Variants in ITGB5 observed in about 807,000 individuals in gnomAD.
ITGB5 encodes integrin subunit beta 5.
Under a neutral mutation model 84.8 loss-of-function variants are expected in ITGB5, and 38 were observed. That is an observed-to-expected ratio of 0.45 (90% CI 0.35 to 0.59). The LOEUF is 0.59. Among genes scored for constraint, ITGB5 ranks in the 20% least tolerant of loss-of-function variants. The probability of loss-of-function intolerance (pLI) is 0.01; values close to 1 mark genes in which losing one functional copy is unlikely to be tolerated. For synonymous variants in ITGB5, 393 were observed against 414.4 expected (o/e 0.95, Z 0.63); for missense variants, 905 against 1,034.5 (o/e 0.87, Z 1.72).
chr3:124,810,908 T>TTTTCTTTCTTTC lies in ITGB5; in HGVS notation c.1129-1764_1129-1753dup, dbSNP rs10644920. 1.8e-3 allele frequency among the ~76,000 whole-genome samples: 263 copies of TTTTCTTTCTTTC among 150,060 alleles called. 2 individuals carry two copies. Among genetic ancestry groups the TTTTCTTTCTTTC allele is most frequent in the African/African-American group, 5.7e-3 (228 of 40,128 alleles). On this transcript the variant is annotated intron_variant, in intron 8 of 14. Coordinates refer to ENST00000296181, the MANE Select transcript of ITGB5 (RefSeq NM_002213.5). ...CAGACTTGCCTCTTGCTCTTGTGGG[T>TTTTCTTTCTTTC]TTTCTTTCTTTCTTTCTTTCTTTCT...
At chr3:124,869,514 A>G (rs1226211520) in intron 2 of ITGB5, among the ~76,000 whole-genome samples, 1 of 152,196 alleles carries the variant, frequency 6.6e-6, no homozygotes, top group Non-Finnish European at 1.5e-5. Flanking sequence ...GGTTGAAGCT[A>G]GAGTGAGCCA....
chr3:124,875,020 T>TA (rs1934240825), intron 1 of ITGB5, among the ~76,000 whole-genome samples: 1 of 152,024 alleles, frequency 6.6e-6, no homozygotes, highest in Non-Finnish European at 1.5e-5. Flanking sequence ...TCTATCAAAC[T>TA]AAAAAGCTTC....
chr3:124,766,268 G>A lies in ITGB5; in HGVS notation c.2095C>T (p.Leu699Phe). 1.9e-6 allele frequency: 3 copies of A among 1,614,088 alleles called. No homozygotes were observed. The highest frequency in any genetic ancestry group is 2.5e-6 in the Non-Finnish European group (3 of 1,179,982). The change falls in exon 13 of 15, where the codon CTC (leucine) becomes TTC (phenylalanine). Residue 699 changes from leucine (L) to phenylalanine (F), a missense_variant. By Grantham distance (22) the Leu-to-Phe change is conservative (BLOSUM62 0). Coordinates refer to ENST00000296181, the MANE Select transcript of ITGB5 (RefSeq NM_002213.5). ...DCVMMFTYVE[L>F]PSGKSNLTVL... ...GTCAGGTTGGACTTCCCACTGGGGA[G>A]CTCCACATAGGTGAACATCATGACG... is the stretch of plus-strand genomic sequence containing the variant.
intron 1 of ITGB5, among the ~76,000 whole-genome samples, chr3:124,897,587 G>A (rs1263136582): frequency 1.3e-5 from 2 of 152,214 alleles, no homozygotes; most frequent in East Asian, 1.9e-4. Context: ...TTGGGAGGCC[G>A]AGGCAGGAGG....
intron 4 of ITGB5, 83 bp from the exon 5 acceptor site, chr3:124,841,634 T>TCTCAAGGCACTCAG: frequency 7.3e-7 from 1 of 1,375,024 alleles, no homozygotes; most frequent in Non-Finnish European, 1.0e-6. Flanking sequence ...ACTGAGTGCC[T>TCTCAAGGCACTCAG]TGAGAGGCAC....
intron 5 of ITGB5, among the ~76,000 whole-genome samples, chr3:124,835,021 TCCTA>T (rs1176072325): frequency 6.6e-6 from 1 of 152,186 alleles, no homozygotes; most frequent in African/African-American, 2.4e-5. Flanking sequence ...CAAAGGGGCC[TCCTA>T]CCCTTTCCCC....
At chr3:124,848,260 C>A in intron 4 of ITGB5, 49 bp downstream of exon 4, 1 of 1,590,838 alleles carries the variant, frequency 6.3e-7, no homozygotes, top group South Asian at 1.1e-5. Context: ...TCCTGCTTCT[C>A]CATTCTCCCA....
chr3:124,813,339 C>T (rs2064535223), intron 8 of ITGB5, among the ~76,000 whole-genome samples: 1 of 152,176 alleles, frequency 6.6e-6, no homozygotes, highest in African/African-American at 2.4e-5. Flanking sequence ...ACACACCATG[C>T]AATTCTCTAC....
chr3:124,790,620 C>G (rs948868187), intron 10 of ITGB5, among the ~76,000 whole-genome samples: 1 of 152,134 alleles, frequency 6.6e-6, no homozygotes, highest in South Asian at 2.1e-4. Context: ...CTAAATCGGC[C>G]GGGAACTGTT....
chr3:124,807,323 T>C (rs566353304), intron 9 of ITGB5, among the ~76,000 whole-genome samples: 1 of 152,158 alleles, frequency 6.6e-6, no homozygotes, highest in Non-Finnish European at 1.5e-5. Flanking sequence ...GGCGGAGGCA[T>C]GAGAATCGTT....
chr3:124,873,181 T>C (rs1934139467), intron 2 of ITGB5, among the ~76,000 whole-genome samples: 1 of 152,208 alleles, frequency 6.6e-6, no homozygotes, highest in Non-Finnish European at 1.5e-5. Flanking sequence ...AGATGAATCC[T>C]AACTGGTCTC....
chr3:124,780,103 AGGC>A (rs2063982264), intron 10 of ITGB5, among the ~76,000 whole-genome samples: 1 of 122,418 alleles, frequency 8.2e-6, no homozygotes, highest in African/African-American at 4.3e-5. Flanking sequence ...GAGGCCTCTG[AGGC>A]AGGGCACGGG....
intron 8 of ITGB5, among the ~76,000 whole-genome samples, chr3:124,813,439 C>T (rs868675713): frequency 6.6e-6 from 1 of 152,096 alleles, no homozygotes; most frequent in Non-Finnish European, 1.5e-5. Flanking sequence ...AAGGGCTCAG[C>T]CCACAAGACT....
intron 1 of ITGB5, among the ~76,000 whole-genome samples, chr3:124,878,099 T>G (rs1046099929): frequency 6.6e-6 from 1 of 152,150 alleles, no homozygotes; most frequent in African/African-American, 2.4e-5. Context: ...ATCTGCCCAC[T>G]TCAGCCTCCC....
intron 2 of ITGB5, among the ~76,000 whole-genome samples, chr3:124,866,282 TC>T (rs35705247): frequency 6.6e-6 from 1 of 152,128 alleles, no homozygotes; most frequent in Non-Finnish European, 1.5e-5. Flanking sequence ...CATGCCCAGC[TC>T]CCTACATATT....
intron 3 of ITGB5, among the ~76,000 whole-genome samples, chr3:124,856,963 T>G (rs2065229888): frequency 2.0e-5 from 3 of 152,308 alleles, no homozygotes; most frequent in African/African-American, 7.2e-5. Context: ...AAAGGCTGAG[T>G]GTTGCTTACA....
rs2150922131 is a variant in ITGB5 at position 124,766,339 on chromosome 3, T to C, written c.2024A>G (p.Asp675Gly). The change falls in exon 13 of 15, where the codon GAT (aspartate) becomes GGT (glycine). Residue 675 changes from aspartate to glycine, a missense_variant. Transcript: ENST00000296181. ...GAAACATAGCACAGCCTCCTGGTCA[T>C]CTTTCACTGGAAGAAAACCAAGCGG... ...VITWVDTIVKDDQEAVLCFYK... is the reference protein window; with the variant it reads ...VITWVDTIVKGDQEAVLCFYK... The C allele has an allele frequency of 6.2e-7, 1 of 1,614,012 alleles. No homozygotes were observed. The highest frequency in any genetic ancestry group is 2.2e-5 in the East Asian group (1 of 44,868).
intron 10 of ITGB5, among the ~76,000 whole-genome samples, chr3:124,774,984 A>C (rs539333530): frequency 6.6e-6 from 1 of 152,374 alleles, no homozygotes; most frequent in Non-Finnish European, 1.5e-5. Context: ...GCCAGGACTC[A>C]AACCCAGAGA....
chr3:124,886,196 A>G (rs568503101), intron 1 of ITGB5, among the ~76,000 whole-genome samples: 1 of 152,268 alleles, frequency 6.6e-6, no homozygotes, highest in Admixed American at 6.5e-5. Flanking sequence ...CTCCACAGTT[A>G]GGGGAGTGTG....
Sources: gnomAD v4.1 joint callset for allele counts (sites outside exome capture counted in the v4.1 genomes callset) on GRCh38, gnomAD v4.1.1 for gene constraint, MANE v1.5 for transcripts, NCBI Gene and HGNC (gene_info 2026-07-23, HGNC 2026-07-21) for gene names.